Variants in THSD4 observed in about 807,000 individuals in gnomAD.
THSD4 encodes the protein thrombospondin type-1 domain-containing protein 4.
Under a neutral mutation model 119.0 loss-of-function variants are expected in THSD4, and 69 were observed. That is an observed-to-expected ratio of 0.58 (90% CI 0.48 to 0.71). The LOEUF (loss-of-function observed/expected upper bound fraction) is 0.71, where lower values mean the gene tolerates loss of function less well. Ranked by LOEUF, THSD4 falls within the 30% of genes least tolerant of loss-of-function variation. THSD4 has a pLI of 0.00. For synonymous variants in THSD4, 524 were observed against 540.4 expected, an observed-to-expected ratio of 0.97 and a Z score of 0.42; for missense variants, 1,393 against 1,391.1, an observed-to-expected ratio of 1.00 and a Z score of -0.02.
intron 7 of THSD4, among the ~76,000 whole-genome samples, chr15:71,578,586 C>T (rs1368847932): frequency 2.0e-5 from 3 of 152,042 alleles, no homozygotes; most frequent in Non-Finnish European, 4.4e-5. Context: ...ATCCACCTGC[C>T]TCAGCCTCCC....
intron 7 of THSD4, among the ~76,000 whole-genome samples, chr15:71,612,805 T>C (rs1405284912): frequency 6.6e-6 from 1 of 152,192 alleles, no homozygotes; most frequent in Non-Finnish European, 1.5e-5. Context: ...CCAAAAAGCT[T>C]AGAACAAAAT....
At chr15:71,467,995 C>G (rs1367820649) in intron 7 of THSD4, among the ~76,000 whole-genome samples, 1 of 152,000 alleles carries the variant, frequency 6.6e-6, no homozygotes, top group Non-Finnish European at 1.5e-5. Context: ...ATTACAGGCG[C>G]CTGTCACCAA....
At chr15:71,391,318 C>T (rs191669089) in intron 6 of THSD4, among the ~76,000 whole-genome samples, 23 of 152,274 alleles carry the variant, frequency 1.5e-4, no homozygotes, top group African/African-American at 5.3e-4. Context: ...CGTGAGCCAC[C>T]GCGCCTGGCA....
At chr15:71,254,200 C>T (rs1411825314) in intron 5 of THSD4, among the ~76,000 whole-genome samples, 2 of 152,306 alleles carry the variant, frequency 1.3e-5, no homozygotes, top group African/African-American at 4.8e-5. Context: ...GTTTCTGCTA[C>T]GAAGACCTGC....
intron 8 of THSD4, among the ~76,000 whole-genome samples, chr15:71,702,616 TTA>T (rs2052314419): frequency 1.3e-5 from 2 of 152,216 alleles, no homozygotes; most frequent in African/African-American, 4.8e-5. Flanking sequence ...GCCAACATGA[TTA>T]TGTCTCTTCA....
At chr15:71,402,119 G>C (rs1264922936) in intron 6 of THSD4, among the ~76,000 whole-genome samples, 1 of 151,608 alleles carries the variant, frequency 6.6e-6, no homozygotes, top group South Asian at 2.1e-4. Context: ...GGGGGATGGG[G>C]GAGGGATAGC....
At position 71,529,369 on chromosome 15, in the gene THSD4, C is replaced by T. The variant is rs184249393; in HGVS notation, c.1152+117546C>T. On this transcript the variant is annotated intron_variant, in intron 7 of 17. Coordinates refer to ENST00000261862, the MANE Select transcript of THSD4 (RefSeq NM_024817.3). ...TAAACTTTCCCCTTTTATGATAGCA[C>T]TGACATTCTTCTGAACATTTTCTAT... 4.2e-4 allele frequency among the ~76,000 whole-genome samples: 64 copies of T among 152,320 alleles called. No homozygotes were observed. The East Asian group carries it at 0.011, about 27-fold the overall frequency.
intron 17 of THSD4, among the ~76,000 whole-genome samples, chr15:71,775,528 T>C (rs2053896859): frequency 1.3e-5 from 2 of 151,938 alleles, no homozygotes; most frequent in Admixed American, 1.3e-4. Flanking sequence ...GGCAACATGG[T>C]GAAACCCTAT....
chr15:71,728,523 A>G, intron 8 of THSD4, 26 bp from the exon 9 acceptor site: 9 of 1,611,480 alleles, frequency 5.6e-6, no homozygotes, highest in Non-Finnish European at 6.8e-6. Flanking sequence ...GGCTTACCCA[A>G]AGAACTGTCT....
chr15:71,201,935 ACTT>A (rs1489531010), intron 3 of THSD4, among the ~76,000 whole-genome samples: 6 of 152,318 alleles, frequency 3.9e-5, no homozygotes, highest in Middle Eastern at 3.4e-3. Flanking sequence ...GGCCTGGGAA[ACTT>A]CTTCTGTGAA....
chr15:71,674,534 G>A (rs1330478724), intron 8 of THSD4, among the ~76,000 whole-genome samples: 1 of 152,162 alleles, frequency 6.6e-6, no homozygotes, highest in African/African-American at 2.4e-5. Flanking sequence ...AGGCATGTTT[G>A]AACTATGCTG....
At chr15:71,393,920 A>C (rs2046410697) in intron 6 of THSD4, among the ~76,000 whole-genome samples, 1 of 152,214 alleles carries the variant, frequency 6.6e-6, no homozygotes, top group Non-Finnish European at 1.5e-5. Flanking sequence ...GCAATCACTA[A>C]GATGGAATGA....
chr15:71,663,002 G>C (rs115392369), intron 8 of THSD4, among the ~76,000 whole-genome samples: 3 of 152,078 alleles, frequency 2.0e-5, no homozygotes, highest in Non-Finnish European at 4.4e-5. Flanking sequence ...TAAGCCCAGC[G>C]CTGTGGGAGG....
At chr15:71,690,058 T>C (rs1468638465) in intron 8 of THSD4, among the ~76,000 whole-genome samples, 1 of 152,234 alleles carries the variant, frequency 6.6e-6, no homozygotes, top group East Asian at 1.9e-4. Context: ...TAAGATTTTT[T>C]ATCCCAGTGG....
At chr15:71,541,698 A>G (rs559932511) in intron 7 of THSD4, among the ~76,000 whole-genome samples, 1 of 152,294 alleles carries the variant, frequency 6.6e-6, no homozygotes, top group East Asian at 1.9e-4. Context: ...ATTAGTCTCT[A>G]TTGATGGGCA....
At chr15:71,329,090 C>T (rs180702450) in intron 6 of THSD4, among the ~76,000 whole-genome samples, 69 of 152,264 alleles carry the variant, frequency 4.5e-4, no homozygotes, top group Middle Eastern at 3.4e-3. Context: ...TGTGATGTGT[C>T]GCCATGAAAA....
At chr15:71,761,632 A>C (rs778307218) in intron 15 of THSD4, among the ~76,000 whole-genome samples, 3 of 152,174 alleles carry the variant, frequency 2.0e-5, no homozygotes, top group Non-Finnish European at 4.4e-5. Flanking sequence ...TATCATTCCA[A>C]AAAGACACCT....
intron 7 of THSD4, among the ~76,000 whole-genome samples, chr15:71,446,905 C>G (rs1829299214): frequency 6.6e-6 from 1 of 152,024 alleles, no homozygotes; most frequent in Non-Finnish European, 1.5e-5. Flanking sequence ...CAAAGAAAAA[C>G]TTGTCTTTTG....
intron 3 of THSD4, among the ~76,000 whole-genome samples, chr15:71,199,179 C>T (rs889819735): frequency 6.6e-6 from 1 of 152,204 alleles, no homozygotes; most frequent in Non-Finnish European, 1.5e-5. Flanking sequence ...CAATCCCATT[C>T]CCTTTGGACC....
Sources: allele counts gnomAD v4.1 joint callset (sites outside exome capture counted in the v4.1 genomes callset), GRCh38; gene constraint gnomAD v4.1.1; transcripts MANE v1.5; gene names NCBI Gene and HGNC (gene_info 2026-07-23, HGNC 2026-07-21).